Variants in CNTN5 observed in about 807,000 individuals in gnomAD.
CNTN5 encodes contactin-5.
A neutral mutation model predicts 129.1 loss-of-function variants in CNTN5; 77 were observed. The observed-to-expected ratio is 0.60, with a 90% CI of 0.50 to 0.72. The LOEUF (loss-of-function observed/expected upper bound fraction) is 0.72, where lower values mean the gene tolerates loss of function less well. Ranked by LOEUF, CNTN5 falls within the 30% of genes least tolerant of loss-of-function variation. CNTN5 has a pLI of 0.00. For synonymous variants in CNTN5, 509 were observed against 465.6 expected (o/e 1.09, Z -1.20); for missense variants, 1,478 against 1,328.8 (o/e 1.11, Z -1.75).
intron 1 of CNTN5, among the ~76,000 whole-genome samples, chr11:99,196,217 A>T (rs1414816668): frequency 6.6e-6 from 1 of 151,926 alleles, no homozygotes; most frequent in East Asian, 1.9e-4. Flanking sequence ...TGTTAACTAT[A>T]AATTTCAAAT....
intron 3 of CNTN5, among the ~76,000 whole-genome samples, chr11:99,667,453 T>C (rs1269614285): frequency 6.6e-6 from 1 of 152,152 alleles, no homozygotes; most frequent in Admixed American, 6.6e-5. Flanking sequence ...ATGGCTAATG[T>C]TGATAGTAAA....
chr11:100,193,739 C>T, intron 15 of CNTN5, 76 bp downstream of exon 15: 1 of 1,230,996 alleles, frequency 8.1e-7, no homozygotes, highest in Non-Finnish European at 1.1e-6. Flanking sequence ...CCTTGCTTAG[C>T]TATGAAGTGC....
At chr11:99,510,276 T>C (rs1946785980) in intron 2 of CNTN5, among the ~76,000 whole-genome samples, 1 of 152,100 alleles carries the variant, frequency 6.6e-6, no homozygotes, top group Non-Finnish European at 1.5e-5. Context: ...ACATATCGGA[T>C]TGAAAGATTT....
At chr11:100,013,957 C>T (rs1004334879) in intron 9 of CNTN5, among the ~76,000 whole-genome samples, 2 of 152,022 alleles carry the variant, frequency 1.3e-5, no homozygotes, top group African/African-American at 2.4e-5. Flanking sequence ...TAAGCATGCT[C>T]GTCATGTGTC....
chr11:100,035,817 T>C (rs1591097362), intron 9 of CNTN5, among the ~76,000 whole-genome samples: 1 of 152,072 alleles, frequency 6.6e-6, no homozygotes, highest in Non-Finnish European at 1.5e-5. Flanking sequence ...TTGATGGGGT[T>C]GTTTTTTTCT....
intron 1 of CNTN5, among the ~76,000 whole-genome samples, chr11:99,138,873 C>T (rs1246489905): frequency 6.6e-6 from 1 of 152,082 alleles, no homozygotes; most frequent in African/African-American, 2.4e-5. Flanking sequence ...CTTTTTATCT[C>T]GAGAAGATTT....
intron 3 of CNTN5, among the ~76,000 whole-genome samples, chr11:99,666,698 A>G (rs1952805620): frequency 1.3e-5 from 2 of 152,132 alleles, no homozygotes; most frequent in African/African-American, 2.4e-5. Context: ...CAAGCCTTGG[A>G]CTGCTGCATA....
chr11:100,075,737 C>T (rs1242205258), intron 13 of CNTN5, among the ~76,000 whole-genome samples: 1 of 152,100 alleles, frequency 6.6e-6, no homozygotes, highest in African/African-American at 2.4e-5. Context: ...GTCAATCTTT[C>T]TAGGTTTTAT....
At chr11:100,210,265 G>A (rs1200094276) in intron 15 of CNTN5, among the ~76,000 whole-genome samples, 8 of 148,756 alleles carry the variant, frequency 5.4e-5, no homozygotes, top group Admixed American at 2.7e-4. Flanking sequence ...TGGGAGGATC[G>A]CTTGAGCCCA....
At chr11:99,892,739 A>C (rs1029911572) in intron 6 of CNTN5, among the ~76,000 whole-genome samples, 3 of 152,134 alleles carry the variant, frequency 2.0e-5, no homozygotes, top group African/African-American at 7.2e-5. Context: ...GCCTTGTAGT[A>C]TAGTTTAAAG....
chr11:99,535,234 A>G (rs1428059540), intron 2 of CNTN5, among the ~76,000 whole-genome samples: 1 of 152,174 alleles, frequency 6.6e-6, no homozygotes, highest in Non-Finnish European at 1.5e-5. Flanking sequence ...TCAGTGGTTC[A>G]GGCAAAAATA....
chr11:100,076,313 T>C (rs1313949579), intron 13 of CNTN5, among the ~76,000 whole-genome samples: 2 of 152,158 alleles, frequency 1.3e-5, no homozygotes, highest in Admixed American at 1.3e-4. Flanking sequence ...ATGTGAGTTT[T>C]GTCCTATTTA....
At chr11:99,809,642 A>G (rs971096646) in intron 3 of CNTN5, among the ~76,000 whole-genome samples, 2 of 152,152 alleles carry the variant, frequency 1.3e-5, no homozygotes, top group African/African-American at 4.8e-5. Context: ...ACCATAGGAA[A>G]CACTGAACTT....
At chr11:99,135,773 T>TATG (rs1859191274) in intron 1 of CNTN5, among the ~76,000 whole-genome samples, 1 of 152,178 alleles carries the variant, frequency 6.6e-6, no homozygotes, top group Admixed American at 6.6e-5. Flanking sequence ...CTACCAATTA[T>TATG]ATGTTGCATA....
intron 1 of CNTN5, among the ~76,000 whole-genome samples, chr11:99,155,791 A>C (rs1210440189): frequency 6.6e-6 from 1 of 152,220 alleles, no homozygotes; most frequent in Non-Finnish European, 1.5e-5. Flanking sequence ...GAGTCAAGAC[A>C]GTGACACATA....
At chr11:99,596,370 G>A (rs12282024) in intron 3 of CNTN5, among the ~76,000 whole-genome samples, 2,556 of 152,212 alleles carry the variant, frequency 0.017, 67 homozygotes, top group African/African-American at 0.058. Context: ...AGACAATATA[G>A]ATTTTTATTC....
intron 13 of CNTN5, among the ~76,000 whole-genome samples, chr11:100,183,831 T>C (rs928099581): frequency 2.6e-5 from 4 of 152,132 alleles, no homozygotes; most frequent in African/African-American, 4.8e-5. Flanking sequence ...CCCTTAAAAT[T>C]AAGAACAAAT....
At chr11:99,349,997 A>C (rs2136079279) in intron 2 of CNTN5, among the ~76,000 whole-genome samples, 1 of 152,290 alleles carries the variant, frequency 6.6e-6, no homozygotes, top group Middle Eastern at 3.4e-3. Flanking sequence ...AAGGTGATAG[A>C]AGGTTGAAAA....
chr11:99,673,019 C>G (rs1330921236), intron 3 of CNTN5, among the ~76,000 whole-genome samples: 2 of 152,016 alleles, frequency 1.3e-5, no homozygotes, highest in Non-Finnish European at 2.9e-5. Context: ...ACTCAGGGAG[C>G]CTTACAGAAT....
Sources: allele counts gnomAD v4.1 joint callset (sites outside exome capture counted in the v4.1 genomes callset), GRCh38; gene constraint gnomAD v4.1.1; transcripts MANE v1.5; gene names NCBI Gene and HGNC (gene_info 2026-07-23, HGNC 2026-07-21).